Variants in PTPRN2 observed in about 807,000 individuals in gnomAD.
The protein encoded by PTPRN2 is receptor-type tyrosine-protein phosphatase N2.
PTPRN2 carries 74 observed loss-of-function variants against 118.8 expected under a neutral mutation model. The ratio of observed to expected loss-of-function variants is 0.62; its 90% CI spans 0.52 to 0.76. PTPRN2 has a LOEUF of 0.76. Among genes scored for constraint, PTPRN2 ranks in the 30% least tolerant of loss-of-function variants. PTPRN2 has a pLI of 0.00. For synonymous variants in PTPRN2, 641 were observed against 608.0 expected (o/e 1.05, Z -0.80); for missense variants, 1,481 against 1,394.4 (o/e 1.06, Z -0.99).
chr7:158,475,997 T>A (rs1008357623), intron 2 of PTPRN2, among the ~76,000 whole-genome samples: 1 of 152,166 alleles, frequency 6.6e-6, no homozygotes, highest in Non-Finnish European at 1.5e-5. Context: ...ACGATTTGTG[T>A]TCCTCCCGCC....
At chr7:157,814,059 G>C (rs781352649) in intron 12 of PTPRN2, among the ~76,000 whole-genome samples, 1 of 152,216 alleles carries the variant, frequency 6.6e-6, no homozygotes, top group African/African-American at 2.4e-5. Flanking sequence ...GGCAGTGGTC[G>C]CCACACCCAC....
At position 157,579,679 on chromosome 7, in the gene PTPRN2, C is replaced by T. The variant is rs749849308; in HGVS notation, c.2497-1539G>A. On this transcript the variant is annotated intron_variant, in intron 17 of 22. Coordinates refer to ENST00000389418, the MANE Select transcript of PTPRN2 (RefSeq NM_002847.5). ...CTCGCGTCCGCCCTTCATTATGGGGCGCCTTCCCGGCTCTCTGAAGATTTG... is the reference window on the plus strand; with the variant it reads ...CTCGCGTCCGCCCTTCATTATGGGGTGCCTTCCCGGCTCTCTGAAGATTTG... Among the ~76,000 whole-genome samples, 17 of 152,334 alleles carry T rather than the reference C, an allele frequency of 1.1e-4. No homozygotes were observed. In the East Asian group the frequency reaches 1.3e-3, roughly 12 times the overall value.
Position 157,969,534 on chromosome 7 carries a change from G to T in PTPRN2, c.1724-70797C>A, listed in dbSNP as rs1366594840. 5.3e-5 allele frequency among the ~76,000 whole-genome samples: 8 copies of T among 152,284 alleles called. No individual in the cohort carries two copies. The South Asian group carries it at 1.0e-3, about 20-fold the overall frequency. The stretch of plus-strand genomic sequence containing the variant: ...GAGCTGGGAGGTGGTGGCAGGCTGG[G>T]TGCTGCCTGGGTTTCATCAGAACCT... On this transcript the variant is annotated intron_variant, in intron 11 of 22. Transcript: ENST00000389418.
chr7:157,950,200 G>T (rs1800719258), intron 11 of PTPRN2, among the ~76,000 whole-genome samples: 7 of 152,214 alleles, frequency 4.6e-5, no homozygotes, highest in Admixed American at 4.6e-4. Context: ...TAATCTTCCT[G>T]TGAGATCATA....
chr7:158,234,058 A>G (rs981086721), intron 3 of PTPRN2, among the ~76,000 whole-genome samples: 88 of 152,304 alleles, frequency 5.8e-4, no homozygotes, highest in Middle Eastern at 3.4e-3. Flanking sequence ...GACATTGATC[A>G]GGGCAAAGAT....
intron 5 of PTPRN2, among the ~76,000 whole-genome samples, chr7:158,183,229 T>G (rs1824863410): frequency 6.6e-6 from 1 of 152,168 alleles, no homozygotes; most frequent in Non-Finnish European, 1.5e-5. Flanking sequence ...GTTTGTGTCT[T>G]TTTATCCATT....
At chr7:158,065,728 C>T (rs1585315087) in intron 11 of PTPRN2, among the ~76,000 whole-genome samples, 1 of 152,180 alleles carries the variant, frequency 6.6e-6, no homozygotes, top group South Asian at 2.1e-4. Flanking sequence ...AAAGTCAAAA[C>T]TCCACGAGGA....
rs1177208740 is a variant in PTPRN2, at chr7:157,831,223, G to T, written c.1788+67450C>A. 6.6e-6 allele frequency among the ~76,000 whole-genome samples: 1 copy of T among 152,192 alleles called. No individual in the cohort carries two copies. The highest frequency in any genetic ancestry group is 1.5e-5 in the Non-Finnish European group (1 of 68,028). On this transcript the variant is annotated intron_variant, in intron 12 of 22. Transcript: ENST00000389418. This position sits in a 1 kb window ranked among gnomAD's most constrained non-coding sequence, Gnocchi z 4.8. Reference sequence around the variant, plus strand: ...TCGGGCCCTGCAGCATCTTACAAGGGGTGCAGGGAAGTCCAGAGACAGAAG... The same window carrying T: ...TCGGGCCCTGCAGCATCTTACAAGGTGTGCAGGGAAGTCCAGAGACAGAAG...
intron 1 of PTPRN2, among the ~76,000 whole-genome samples, chr7:158,514,141 TAGA>T (rs1314594569): frequency 2.6e-5 from 4 of 152,158 alleles, no homozygotes; most frequent in South Asian, 2.1e-4. Flanking sequence ...AGGACTGACA[TAGA>T]AGGATTATTC....
intron 2 of PTPRN2, among the ~76,000 whole-genome samples, chr7:158,402,472 C>G (rs375839946): frequency 6.6e-6 from 1 of 152,164 alleles, no homozygotes; most frequent in Non-Finnish European, 1.5e-5. Flanking sequence ...ACTGAATTTA[C>G]GTTGGTGGGA....
At chr7:157,950,948 TAAAG>T (rs778681320) in intron 11 of PTPRN2, among the ~76,000 whole-genome samples, 6 of 152,186 alleles carry the variant, frequency 3.9e-5, no homozygotes, top group Non-Finnish European at 7.4e-5. Context: ...AAATAAAAAT[TAAAG>T]AAGGTTTCCA....
At chr7:157,655,249 G>A (rs1242810116) in intron 14 of PTPRN2, among the ~76,000 whole-genome samples, 2 of 152,202 alleles carry the variant, frequency 1.3e-5, no homozygotes, top group East Asian at 3.9e-4. Flanking sequence ...CCAGGGAGAA[G>A]GCTGCTGAGT....
At chr7:157,543,620 G>A (rs1327257545) in intron 22 of PTPRN2, among the ~76,000 whole-genome samples, 1 of 152,260 alleles carries the variant, frequency 6.6e-6, no homozygotes, top group Non-Finnish European at 1.5e-5. Context: ...ATTTCTATTT[G>A]TGCTTATGTT....
intron 2 of PTPRN2, among the ~76,000 whole-genome samples, chr7:158,336,845 C>CG (rs1199962951): frequency 2.9e-5 from 3 of 103,654 alleles, no homozygotes; most frequent in East Asian, 3.2e-4. Flanking sequence ...GTCACTCACC[C>CG]ACACTCTCAC....
intron 12 of PTPRN2, among the ~76,000 whole-genome samples, chr7:157,722,588 G>A (rs1386678598): frequency 6.6e-6 from 1 of 152,226 alleles, no homozygotes; most frequent in African/African-American, 2.4e-5. Context: ...CTTGACGCCA[G>A]AAGCAACTCC....
At chr7:157,914,505 ATG>A (rs1302557439) in intron 11 of PTPRN2, among the ~76,000 whole-genome samples, 1 of 152,132 alleles carries the variant, frequency 6.6e-6, no homozygotes, top group Non-Finnish European at 1.5e-5. Flanking sequence ...CTCATGGATC[ATG>A]TGTAAGATGT....
intron 3 of PTPRN2, among the ~76,000 whole-genome samples, chr7:158,310,695 C>A (rs919130227): frequency 9.3e-5 from 14 of 151,238 alleles, no homozygotes; most frequent in Non-Finnish European, 1.5e-5. Context: ...GCAAGTCCCA[C>A]GGAGGGCGAG....
chr7:157,725,735 C>G (rs1311090264), intron 12 of PTPRN2, among the ~76,000 whole-genome samples: 12 of 63,122 alleles, frequency 1.9e-4, no homozygotes, highest in Admixed American at 1.3e-4. Context: ...GCCAGACCCT[C>G]ACCTCCCAGG....
intron 9 of PTPRN2, among the ~76,000 whole-genome samples, chr7:158,123,908 A>G (rs113659804): frequency 0.027 from 4,025 of 150,798 alleles, 177 homozygotes; most frequent in African/African-American, 0.084. Context: ...CAGGCGGAAC[A>G]GGCTCTCTAA....
Sources: gnomAD v4.1 joint callset for allele counts (sites outside exome capture counted in the v4.1 genomes callset) on GRCh38, gnomAD v4.1.1 for gene constraint, Gnocchi (gnomAD v3.1) non-coding constraint, MANE v1.5 for transcripts, NCBI Gene and HGNC (gene_info 2026-07-23, HGNC 2026-07-21) for gene names.